Variants in RCN3 observed in about 807,000 individuals in gnomAD.
RCN3 encodes reticulocalbin 3, also known as reticulocalbin-3.
RCN3 carries 41 observed loss-of-function variants against 35.9 expected under a neutral mutation model. The ratio of observed to expected loss-of-function variants is 1.14; its 90% confidence interval spans 0.89 to 1.48. The LOEUF is 1.48. RCN3 is among the 40% of genes most tolerant of loss of function. The pLI is 0.00. For missense variants in RCN3, 451 were observed against 471.3 expected (o/e 0.96, Z 0.40); for synonymous variants, 187 against 193.4 (o/e 0.97, Z 0.27).
chr19:49,528,688 C>T lies in RCN3; in HGVS notation c.216C>T (p.Thr72=), dbSNP rs1460294505. The T allele has an allele frequency of 3.1e-6, 5 of 1,603,090 alleles. No individual in the cohort carries two copies. The highest frequency in any genetic ancestry group is 3.4e-6 in the Non-Finnish European group (4 of 1,174,594). ...TGGCCAAGGAATTCGACCAACTCAC[C>T]CCAGAGGAAAGCCAGGCCCGTCTGG... ...REVAKEFDQL[T]PEESQARLGR... Residue 72 remains threonine (T), a synonymous_variant, in exon 2 of 7, where the codon ACC becomes ACT. Transcript: ENST00000270645.
intron 4 of RCN3, among the ~76,000 whole-genome samples, chr19:49,538,282 C>T (rs2080146611): frequency 2.6e-5 from 4 of 151,740 alleles, no homozygotes; most frequent in Admixed American, 2.0e-4. Context: ...TCTGCCTCAG[C>T]CTCCCGAGTG....
In RCN3 at chr19:49,537,086, C is replaced by T. The variant is rs139212536; in HGVS notation, c.499C>T (p.Arg167Trp). 44 of 1,590,146 alleles carry T rather than the reference C, an allele frequency of 2.8e-5. No individual in the cohort carries two copies. Among genetic ancestry groups the T allele is most frequent in the Middle Eastern group, 1.7e-4 (1 of 5,998 alleles). ...AGAGACCTACAAAAAGATGCTGGCT[C>T]GGGACGAGCGGCGTTTCCGGGTGGC... Reference protein sequence around the residue: ...DAETYKKMLARDERRFRVADQ... With the variant: ...DAETYKKMLAWDERRFRVADQ... Residue 167 changes from arginine (R) to tryptophan (W), a missense_variant, in exon 4 of 7, where the codon CGG becomes TGG. Physicochemically the swap from Arg to Trp is moderately radical, Grantham distance 101. Transcript: ENST00000270645.
At position 49,543,498 on chromosome 19, in the gene RCN3, C is replaced by T. The variant is rs377302681; in HGVS notation, c.*285C>T. The T allele has an allele frequency of 7.9e-4, 349 of 443,702 alleles. 1 individual carries two copies. The highest frequency in any genetic ancestry group is 6.5e-3 in the African/African-American group (322 of 49,302). The allele number at this position is 443,702 out of a possible 1,614,324, so 27.5% of individuals were successfully genotyped here. Reference sequence around the variant, plus strand: ...TTGGCCCCAAGCTCAGCTCTAAGAACCGCCCCAACCCCTCCAGCTCCAAAT... The same window carrying T: ...TTGGCCCCAAGCTCAGCTCTAAGAATCGCCCCAACCCCTCCAGCTCCAAAT... On this transcript the variant is annotated 3_prime_UTR_variant, in exon 7 of 7. Coordinates refer to ENST00000270645, the MANE Select transcript of RCN3 (RefSeq NM_020650.3).
At chr19:49,539,205 G>T in intron 5 of RCN3, 26 bp downstream of exon 5, 1 of 1,591,558 alleles carries the variant, frequency 6.3e-7, no homozygotes, top group Non-Finnish European at 8.6e-7. Flanking sequence ...TTTCTTCTTG[G>T]GATGCCTGTC....
intron 4 of RCN3, 56 bp from the exon 5 acceptor site, chr19:49,539,063 C>T (rs905533813): frequency 7.4e-7 from 1 of 1,359,516 alleles, no homozygotes; most frequent in East Asian, 2.4e-5. Context: ...GGGGTCCAGC[C>T]TCCCCCAGGA....
chr19:49,533,569 GC>G (rs940522269), intron 2 of RCN3, among the ~76,000 whole-genome samples: 1 of 152,134 alleles, frequency 6.6e-6, no homozygotes, highest in African/African-American at 2.4e-5. Flanking sequence ...GGGAGACTGA[GC>G]CCCCGGGGTT....
chr19:49,539,260 A>G lies in RCN3; in HGVS notation c.679+81A>G. 3 of 1,097,296 alleles carry G rather than the reference A, an allele frequency of 2.7e-6. No individual in the cohort carries two copies. In the East Asian group the frequency reaches 7.2e-5, roughly 26 times the overall value. 68.0% of individuals were successfully genotyped at this position (1,097,296 alleles called of 1,614,324 possible). A position where few individuals can be genotyped will look rare whatever the true frequency, so the allele number is the denominator to read the frequency against. Reference sequence around the variant, plus strand: ...GGTTGGTGGGGGTAGCCGGAGGTACATCACCCATCATCAGAGAACAGTGGC... The same window carrying G: ...GGTTGGTGGGGGTAGCCGGAGGTACGTCACCCATCATCAGAGAACAGTGGC... On this transcript the variant is annotated intron_variant, in intron 5 of 6. Transcript: ENST00000270645.
In RCN3 at chr19:49,543,196, C is replaced by T. The variant is rs770628403; in HGVS notation, c.970C>T (p.His324Tyr). The change falls in exon 7 of 7, where the codon CAC becomes TAC. Residue 324 changes from histidine to tyrosine, a missense_variant. His to Tyr is a moderately conservative substitution (Grantham distance 83). Transcript: ENST00000270645. ...ATNYGEDLTRHHDEL is the reference protein window; with the variant it reads ...ATNYGEDLTRYHDEL ...CAACTATGGCGAGGACCTGACCCGG[C>T]ACCACGATGAGCTGTGAGCACCGCG... is the stretch of plus-strand genomic sequence containing the variant. The T allele has an allele frequency of 1.9e-6, 3 of 1,613,242 alleles. No individual in the cohort carries two copies. The highest frequency in any genetic ancestry group is 3.3e-5 in the Admixed American group (2 of 59,958).
chr19:49,542,863 A>T, intron 6 of RCN3, 111 bp downstream of exon 6: 1 of 1,071,516 alleles, frequency 9.3e-7, no homozygotes, highest in Non-Finnish European at 1.3e-6. Flanking sequence ...TAGGTGGGAT[A>T]AAAAAAGAGG....
intron 5 of RCN3, among the ~76,000 whole-genome samples, chr19:49,540,147 T>A (rs1022540555): frequency 2.0e-5 from 3 of 151,470 alleles, no homozygotes; most frequent in African/African-American, 7.3e-5. Flanking sequence ...CACTCTTTCT[T>A]TCTATCTGTC....
chr19:49,533,922 G>T (rs1444570275), intron 2 of RCN3, among the ~76,000 whole-genome samples: 2 of 152,110 alleles, frequency 1.3e-5, no homozygotes, highest in Non-Finnish European at 2.9e-5. Context: ...GCCCTGCATC[G>T]TAGTAGGTCC....
chr19:49,537,584 G>A (rs1238609375), intron 4 of RCN3, among the ~76,000 whole-genome samples: 1 of 151,622 alleles, frequency 6.6e-6, no homozygotes, highest in Admixed American at 6.6e-5. Flanking sequence ...TCAGCTCACT[G>A]CAACCTCCGC....
chr19:49,539,792 G>A (rs1006900983), intron 5 of RCN3, among the ~76,000 whole-genome samples: 4 of 147,890 alleles, frequency 2.7e-5, no homozygotes, highest in African/African-American at 7.5e-5. Flanking sequence ...GCGTGGTATC[G>A]GCTCTCTGCA....
At chr19:49,532,952 A>G (rs2080116193) in intron 2 of RCN3, among the ~76,000 whole-genome samples, 1 of 152,236 alleles carries the variant, frequency 6.6e-6, no homozygotes, top group Non-Finnish European at 1.5e-5. Context: ...CTGGGATTAC[A>G]GGCGTGAGCC....
intron 5 of RCN3, 125 bp from the exon 6 acceptor site, chr19:49,542,428 C>G: frequency 1.6e-6 from 1 of 628,204 alleles, no homozygotes; most frequent in Non-Finnish European, 2.8e-6. Context: ...GACGCTGAGG[C>G]GAGAGAGAGG....
intron 5 of RCN3, among the ~76,000 whole-genome samples, chr19:49,539,502 C>G (rs2080153024): frequency 6.6e-6 from 1 of 152,088 alleles, no homozygotes; most frequent in African/African-American, 2.4e-5. Context: ...TCTGGAGTTT[C>G]TACAAAATCA....
At chr19:49,534,159 C>T in intron 2 of RCN3, 34 bp from the exon 3 acceptor site, 2 of 1,461,792 alleles carry the variant, frequency 1.4e-6, no homozygotes, top group Non-Finnish European at 1.8e-6. Context: ...GGGGGCGGGA[C>T]CAGAGCCTGA....
chr19:49,540,967 G>A (rs2080160332), intron 5 of RCN3, among the ~76,000 whole-genome samples: 1 of 147,548 alleles, frequency 6.8e-6, no homozygotes, highest in South Asian at 2.1e-4. Flanking sequence ...TCTCGCTATT[G>A]TCGCCCAGGC....
At chr19:49,534,844 T>G (rs1225958332) in intron 3 of RCN3, among the ~76,000 whole-genome samples, 1 of 152,084 alleles carries the variant, frequency 6.6e-6, no homozygotes, top group East Asian at 1.9e-4. Context: ...TTTCCATGCC[T>G]TGTCATCCTG....
Sources: allele counts gnomAD v4.1 joint callset (sites outside exome capture counted in the v4.1 genomes callset), GRCh38; gene constraint gnomAD v4.1.1; transcripts MANE v1.5; gene names NCBI Gene and HGNC (gene_info 2026-07-23, HGNC 2026-07-21).